RGS3: variants seen among roughly 807,000 people sequenced by gnomAD.
RGS3 encodes the protein regulator of G protein signaling 3.
A neutral mutation model predicts 132.6 loss-of-function variants in RGS3; 80 were observed. The ratio of observed to expected loss-of-function variants is 0.60; its 90% CI spans 0.50 to 0.73. The LOEUF (loss-of-function observed/expected upper bound fraction) is 0.73. Ranked by LOEUF, RGS3 falls within the 30% of genes least tolerant of loss-of-function variation. The pLI, the probability that RGS3 is intolerant of heterozygous loss-of-function variation, is 0.00. For missense variants in RGS3, 1,382 were observed against 1,530.8 expected, an observed-to-expected ratio of 0.90 and a Z score of 1.62; for synonymous variants, 598 against 620.6, an observed-to-expected ratio of 0.96 and a Z score of 0.54.
At chr9:113,514,588 G>A (rs200407777) in exon 15 of RGS3, 21 of 1,614,090 alleles carry the variant, frequency 1.3e-5, no homozygotes, top group South Asian at 5.5e-5. Context: ...CGCATGCCAC[G>A]CACTCAAGCT....
At chr9:113,482,138 T>C (rs1202301468) in intron 4 of RGS3, among the ~76,000 whole-genome samples, 1 of 151,536 alleles carries the variant, frequency 6.6e-6, no homozygotes, top group East Asian at 1.9e-4. Flanking sequence ...TTCTATCAGG[T>C]CTATTGTCTT....
At chr9:113,497,204 C>G in intron 8 of RGS3, 110 bp from the exon 7 acceptor site, 1 of 788,576 alleles carries the variant, frequency 1.3e-6, no homozygotes, top group South Asian at 1.7e-5. Flanking sequence ...GAGAGTCTGT[C>G]TCTCCTGTGG....
rs1369872597 is a variant in RGS3 at position 113,517,479 on chromosome 9, C to T, written c.1675-62C>T. 1.1e-5 allele frequency: 15 copies of T among 1,371,216 alleles called. No homozygotes were observed. The Admixed American group carries it at 1.5e-4, about 14-fold the overall frequency. The allele number at this position is 1,371,216 out of a possible 1,614,324, so 84.9% of individuals were successfully genotyped here. The stretch of plus-strand genomic sequence containing the variant: ...GCTGGCTTTGACAAGCTGCTGCTTC[C>T]TCCCCCCGGGTCCTCACCCAGCCTC... On this transcript the variant is annotated intron_variant, in intron 15 of 24. Transcript: ENST00000350696.
intron 19 of RGS3, among the ~76,000 whole-genome samples, chr9:113,556,029 C>T (rs1013325463): frequency 6.6e-6 from 1 of 152,166 alleles, no homozygotes; most frequent in African/African-American, 2.4e-5. Context: ...CATTTGCCCT[C>T]ATGTTTGAGT....
intron 20 of RGS3, among the ~76,000 whole-genome samples, chr9:113,587,794 A>G (rs1835193896): frequency 6.6e-6 from 1 of 152,190 alleles, no homozygotes; most frequent in Non-Finnish European, 1.5e-5. Flanking sequence ...GACTGAGTCC[A>G]GAGAGGGAGA....
chr9:113,562,524 T>G (rs1833838127), intron 19 of RGS3, among the ~76,000 whole-genome samples: 1 of 151,092 alleles, frequency 6.6e-6, no homozygotes, highest in Non-Finnish European at 1.5e-5. Context: ...GCTATGAGGA[T>G]TCAATCAATC....
At chr9:113,466,193 A>G (rs568068034) in intron 3 of RGS3, among the ~76,000 whole-genome samples, 147 of 152,330 alleles carry the variant, frequency 9.7e-4, no homozygotes, top group African/African-American at 3.4e-3. Flanking sequence ...CAGTTTTGGT[A>G]GCAATTGGGA....
intron 21 of RGS3, 150 bp from the exon 20 acceptor site, chr9:113,594,280 C>A (rs199676747): frequency 2.5e-4 from 399 of 1,604,742 alleles, no homozygotes; most frequent in Non-Finnish European, 3.1e-4. Flanking sequence ...TACAGAGATG[C>A]TCCGAGGCAT....
intron 19 of RGS3, among the ~76,000 whole-genome samples, chr9:113,567,848 T>A (rs1272447432): frequency 6.6e-6 from 1 of 152,096 alleles, no homozygotes; most frequent in Non-Finnish European, 1.5e-5. Flanking sequence ...CCAGAGTAGG[T>A]CTGGGGTTAT....
chr9:113,469,919 G>A lies in RGS3; in HGVS notation c.415+7718G>A, dbSNP rs537354426. ...ATAGTTGTTTTTTTTTTTTTTTGTC[G>A]TTGTTGTTTTGAGACTGAGTCTTAC... On this transcript the variant is annotated intron_variant, in intron 3 of 24. Transcript: ENST00000350696. Among the ~76,000 whole-genome samples the A allele has an allele frequency of 1.0e-4, 14 of 135,530 alleles. No homozygotes were observed. The East Asian group carries it at 3.2e-3, about 31-fold the overall frequency. The allele number at this position is 135,530 out of a possible 152,430, so 88.9% of individuals were successfully genotyped here.
At chr9:113,466,856 C>T (rs1486220270) in intron 3 of RGS3, among the ~76,000 whole-genome samples, 1 of 152,168 alleles carries the variant, frequency 6.6e-6, no homozygotes, top group African/African-American at 2.4e-5. Flanking sequence ...CAAAAAGAGA[C>T]ATTATGCTCT....
chr9:113,500,561 A>G (rs1421057650), intron 10 of RGS3, among the ~76,000 whole-genome samples: 1 of 152,286 alleles, frequency 6.6e-6, no homozygotes, highest in Middle Eastern at 3.4e-3. Context: ...TTTGTTTGTC[A>G]GTAAGATGAG....
At chr9:113,513,295 T>C (rs115043057) in intron 14 of RGS3, among the ~76,000 whole-genome samples, 1 of 151,732 alleles carries the variant, frequency 6.6e-6, no homozygotes, top group African/African-American at 2.4e-5. Flanking sequence ...GAGGGACCCC[T>C]CCCCCCACAC....
At chr9:113,560,566 C>G (rs1833744608) in intron 19 of RGS3, among the ~76,000 whole-genome samples, 2 of 152,248 alleles carry the variant, frequency 1.3e-5, no homozygotes, top group South Asian at 4.1e-4. Context: ...CTCCGGCCAG[C>G]TCTGTATCCT....
In RGS3 at chr9:113,453,942, C is replaced by T. The variant is rs1437215425; in HGVS notation, c.-12-6303C>T. Among the ~76,000 whole-genome samples the T allele has an allele frequency of 7.9e-5, 12 of 152,046 alleles. No homozygotes were observed. The East Asian group carries it at 2.3e-3, about 29-fold the overall frequency. On this transcript the variant is annotated intron_variant, in intron 1 of 25. Coordinates refer to the RGS3 transcript ENST00000374140. ...AACTCCTGAGTTCAAGCCATCCTCT[C>T]ATGTAGCTAGGACCACAGTCATGTG...
At chr9:113,541,445 A>G (rs755655345) in intron 19 of RGS3, 1 of 1,611,048 alleles carries the variant, frequency 6.2e-7, no homozygotes, top group South Asian at 1.1e-5. Flanking sequence ...CAAGGGCGGG[A>G]CTCTGCTTCT....
chr9:113,460,204 A>G (rs1829443269), upstream of RGS3: 1 of 1,221,552 alleles, frequency 8.2e-7, no homozygotes, highest in South Asian at 1.4e-5. Flanking sequence ...GATAAATTTC[A>G]CCTTTAACCT....
At chr9:113,542,018 A>C in intron 19 of RGS3, 1 of 186,360 alleles carries the variant, frequency 5.4e-6, no homozygotes, top group Non-Finnish European at 1.0e-5. Context: ...ATACCAACAC[A>C]CACACGTGCA....
chr9:113,597,292 A>C, exon 25 of RGS3: 1 of 196,998 alleles, frequency 5.1e-6, no homozygotes, highest in Non-Finnish European at 1.0e-5. Flanking sequence ...GAACTGGCTG[A>C]TGGGGCAGGA....
Sources: gnomAD v4.1 joint callset for allele counts (sites outside exome capture counted in the v4.1 genomes callset) on GRCh38, gnomAD v4.1.1 for gene constraint, MANE v1.5 for transcripts, NCBI Gene and HGNC (gene_info 2026-07-23, HGNC 2026-07-21) for gene names.